The following DGKB variants were observed in gnomAD, a reference collection of about 807,000 sequenced individuals.
DGKB encodes the protein 90 kDa diacylglycerol kinase.
In DGKB, 67 loss-of-function variants were observed where a neutral mutation model predicts 114.3. The observed-to-expected ratio is 0.59, with a 90% CI of 0.48 to 0.72. DGKB has a LOEUF of 0.72. Among genes scored for constraint, DGKB ranks in the 30% least tolerant of loss-of-function variants. DGKB has a pLI of 0.00. For missense variants in DGKB, 907 were observed against 975.2 expected, an observed-to-expected ratio of 0.93 and a Z score of 0.93; for synonymous variants, 398 against 323.1, an observed-to-expected ratio of 1.23 and a Z score of -2.49.
At chr7:14,212,938 T>C (rs931460373) in intron 23 of DGKB, among the ~76,000 whole-genome samples, 1 of 152,040 alleles carries the variant, frequency 6.6e-6, no homozygotes, top group Non-Finnish European at 1.5e-5. Context: ...ATGTACTTTA[T>C]AAAAAATGGC....
intron 15 of DGKB, among the ~76,000 whole-genome samples, chr7:14,618,681 A>G (rs1563694601): frequency 6.6e-6 from 1 of 151,538 alleles, no homozygotes; most frequent in Non-Finnish European, 1.5e-5. Flanking sequence ...TGGGTTAATT[A>G]ATGAGACTCA....
At chr7:14,683,370 C>G (rs1821157930) in intron 10 of DGKB, among the ~76,000 whole-genome samples, 1 of 152,188 alleles carries the variant, frequency 6.6e-6, no homozygotes. Context: ...TCATCCTTCA[C>G]TTGCCATCAT....
chr7:14,259,505 C>A (rs1796451827), intron 23 of DGKB, among the ~76,000 whole-genome samples: 1 of 151,128 alleles, frequency 6.6e-6, no homozygotes, highest in South Asian at 2.1e-4. Context: ...CGGCTCACTG[C>A]AACTTCTGCA....
At chr7:14,948,491 G>A (rs903398823) in intron 1 of DGKB, among the ~76,000 whole-genome samples, 1 of 151,600 alleles carries the variant, frequency 6.6e-6, no homozygotes. Context: ...AACATAAAAT[G>A]GTCCACCTTA....
rs78630909 is a variant in DGKB at position 14,718,689 on chromosome 7, G to GA, written c.323-5dup. 5.0e-3 allele frequency: 7,887 copies of GA among 1,583,810 alleles called. 381 individuals carry two copies. The Admixed American group carries it at 0.1, about 21-fold the overall frequency. On this transcript the variant is annotated splice_region_variant and splice_polypyrimidine_tract_variant and intron_variant, in intron 5 of 25. Transcript: ENST00000402815. ...GCACCTTTATTCATTCTCAGACCTG[G>GA]AAAAAAAATTGTCTTTATATTTTGT...
At chr7:14,957,564 T>A (rs1393160051) in intron 1 of DGKB, among the ~76,000 whole-genome samples, 1 of 152,074 alleles carries the variant, frequency 6.6e-6, no homozygotes, top group African/African-American at 2.4e-5. Flanking sequence ...GGCTAGCTTT[T>A]GTGCACCTAA....
At chr7:14,750,168 A>C in intron 4 of DGKB, 1 of 518,274 alleles carries the variant, frequency 1.9e-6, no homozygotes. Flanking sequence ...TTGACACTGA[A>C]GACATAAATA....
chr7:14,362,517 TAA>T (rs1182655074), intron 21 of DGKB, among the ~76,000 whole-genome samples: 1 of 152,054 alleles, frequency 6.6e-6, no homozygotes, highest in Non-Finnish European at 1.5e-5. Flanking sequence ...TTGAAATATA[TAA>T]AGTTTCTGCC....
intron 2 of DGKB, among the ~76,000 whole-genome samples, chr7:14,760,400 A>G (rs891924877): frequency 2.0e-5 from 3 of 152,160 alleles, no homozygotes; most frequent in Admixed American, 1.3e-4. Context: ...ATGGCAAAAA[A>G]TTACAATAAT....
At chr7:14,425,229 C>CTCTAAAATAATAAGTAGGACATA (rs1827323402) in intron 21 of DGKB, among the ~76,000 whole-genome samples, 1 of 151,876 alleles carries the variant, frequency 6.6e-6, no homozygotes, top group African/African-American at 2.4e-5. Flanking sequence ...ATTAAAATCC[C>CTCTAAAATAATAAGTAGGACATA]TCTAAAATAA....
At chr7:14,310,390 T>C (rs767610834) in intron 23 of DGKB, among the ~76,000 whole-genome samples, 4 of 152,080 alleles carry the variant, frequency 2.6e-5, no homozygotes, top group East Asian at 3.9e-4. Context: ...AGAAGAAACA[T>C]AGATGTAGAT....
At chr7:14,397,049 G>C (rs898367693) in intron 21 of DGKB, among the ~76,000 whole-genome samples, 5 of 152,096 alleles carry the variant, frequency 3.3e-5, no homozygotes, top group Non-Finnish European at 7.4e-5. Flanking sequence ...CTGGGAGAGA[G>C]AGAGAGAGAG....
intron 17 of DGKB, among the ~76,000 whole-genome samples, chr7:14,584,261 A>C (rs1013719013): frequency 7.9e-5 from 12 of 152,200 alleles, no homozygotes; most frequent in Admixed American, 6.5e-5. Flanking sequence ...TCTTTTTATG[A>C]ATTTTTAAGC....
intron 20 of DGKB, among the ~76,000 whole-genome samples, chr7:14,512,312 G>T (rs987061555): frequency 6.6e-6 from 1 of 152,160 alleles, no homozygotes; most frequent in Non-Finnish European, 1.5e-5. Context: ...TTCTTTACAA[G>T]ATGGAATTAT....
chr7:14,750,271 C>T, intron 4 of DGKB: 1 of 459,504 alleles, frequency 2.2e-6, no homozygotes, highest in South Asian at 1.5e-5. Context: ...TAATTTCCCA[C>T]TGGTTTATCA....
chr7:14,644,426 T>A (rs1812495129), intron 13 of DGKB, among the ~76,000 whole-genome samples: 1 of 152,104 alleles, frequency 6.6e-6, no homozygotes, highest in African/African-American at 2.4e-5. Context: ...TAATTATCTT[T>A]CAAAAATTCA....
At chr7:14,450,113 T>C (rs1016048877) in intron 21 of DGKB, among the ~76,000 whole-genome samples, 2 of 152,060 alleles carry the variant, frequency 1.3e-5, no homozygotes, top group African/African-American at 2.4e-5. Context: ...AAGAACACAA[T>C]TTATCAATAT....
intron 2 of DGKB, among the ~76,000 whole-genome samples, chr7:14,816,004 T>C (rs1277159178): frequency 1.3e-5 from 2 of 152,138 alleles, no homozygotes; most frequent in Non-Finnish European, 2.9e-5. Flanking sequence ...TTTATCTCTG[T>C]AGAGAGTAAC....
At chr7:14,532,358 A>G (rs1021948700) in intron 20 of DGKB, among the ~76,000 whole-genome samples, 2 of 151,466 alleles carry the variant, frequency 1.3e-5, no homozygotes, top group African/African-American at 4.8e-5. Context: ...CTAGGATACA[A>G]AACAAGATCT....
Sources: allele counts gnomAD v4.1 joint callset (sites outside exome capture counted in the v4.1 genomes callset), GRCh38; gene constraint gnomAD v4.1.1; transcripts MANE v1.5; gene names NCBI Gene and HGNC (gene_info 2026-07-23, HGNC 2026-07-21).